Variants in DCC observed in about 807,000 individuals in gnomAD.
DCC encodes the protein netrin receptor DCC.
In DCC, 58 loss-of-function variants were observed where a neutral mutation model predicts 172.5. The ratio of observed to expected loss-of-function variants is 0.34; its 90% CI spans 0.27 to 0.42. The LOEUF (loss-of-function observed/expected upper bound fraction) is 0.42. DCC is among the 10% of genes least tolerant of loss of function. DCC has a pLI of 1.00. For synonymous variants in DCC, 709 were observed against 644.5 expected (o/e 1.10, Z -1.52); for missense variants, 1,740 against 1,791.0 (o/e 0.97, Z 0.51).
At chr18:53,294,133 A>C (rs561621862) in intron 12 of DCC, among the ~76,000 whole-genome samples, 1 of 152,352 alleles carries the variant, frequency 6.6e-6, no homozygotes, top group East Asian at 1.9e-4. Flanking sequence ...TCCCAAAATC[A>C]ATTTAAATTT....
chr18:52,781,666 A>T (rs2037547136), intron 2 of DCC, among the ~76,000 whole-genome samples: 3 of 152,116 alleles, frequency 2.0e-5, no homozygotes, highest in Admixed American at 2.0e-4. Flanking sequence ...TCAAAACAGC[A>T]TGGGAAATTC....
intron 25 of DCC, 139 bp downstream of exon 25, chr18:53,468,149 C>T (rs534121522): frequency 3.0e-5 from 20 of 670,164 alleles, no homozygotes; most frequent in South Asian, 1.4e-4. Context: ...TGACTAAAAC[C>T]GTATCATTAA....
At chr18:53,110,104 T>C (rs2043308691) in intron 7 of DCC, among the ~76,000 whole-genome samples, 1 of 151,694 alleles carries the variant, frequency 6.6e-6, no homozygotes, top group Non-Finnish European at 1.5e-5. Flanking sequence ...GTCTAACTCA[T>C]ACTTATGCAG....
intron 5 of DCC, among the ~76,000 whole-genome samples, chr18:53,026,736 A>T (rs1273029616): frequency 3.0e-4 from 45 of 150,620 alleles, no homozygotes. Flanking sequence ...TTTTACTTTT[A>T]TTTTTTTTTA....
At chr18:52,762,732 G>A (rs1302072955) in intron 2 of DCC, among the ~76,000 whole-genome samples, 1 of 151,850 alleles carries the variant, frequency 6.6e-6, no homozygotes, top group African/African-American at 2.4e-5. Flanking sequence ...GCTGAAGTGG[G>A]AGGTTGCTTG....
In DCC at chr18:53,534,791, A is replaced by G. The variant is rs937482143; in HGVS notation, c.*4138A>G. The G allele has an allele frequency of 2.6e-5, 4 of 152,232 alleles. No individual in the cohort carries two copies. Among genetic ancestry groups the G allele is most frequent in the African/African-American group, 9.6e-5 (4 of 41,458 alleles). 9.4% of individuals were successfully genotyped at this position (152,232 alleles called of 1,614,324 possible). Reference sequence around the variant, plus strand: ...GGTCAGTGAGGTTATGTAAAAGACAAAATACCACACCCATATCAGCAAATG... The same window carrying G: ...GGTCAGTGAGGTTATGTAAAAGACAGAATACCACACCCATATCAGCAAATG... On this transcript the variant is annotated 3_prime_UTR_variant, in exon 29 of 29. Coordinates refer to ENST00000442544, the MANE Select transcript of DCC (RefSeq NM_005215.4).
intron 2 of DCC, among the ~76,000 whole-genome samples, chr18:52,825,819 G>A (rs41331848): frequency 0.26 from 40,252 of 152,006 alleles, 5,464 homozygotes; most frequent in South Asian, 0.3. Flanking sequence ...TAAAAGTTGC[G>A]CTGTGCTCAC....
At chr18:53,389,110 T>C (rs1908377140) in intron 16 of DCC, among the ~76,000 whole-genome samples, 1 of 152,168 alleles carries the variant, frequency 6.6e-6, no homozygotes, top group African/African-American at 2.4e-5. Context: ...GTTAGTGTAA[T>C]GACTCAACAT....
At chr18:52,768,616 T>G (rs748263019) in intron 2 of DCC, among the ~76,000 whole-genome samples, 7 of 152,218 alleles carry the variant, frequency 4.6e-5, no homozygotes, top group Non-Finnish European at 1.5e-5. Flanking sequence ...ATGTTGTGTC[T>G]GGCATAAGAC....
intron 1 of DCC, among the ~76,000 whole-genome samples, chr18:52,487,707 A>T (rs1451509080): frequency 2.8e-5 from 4 of 144,904 alleles, no homozygotes; most frequent in Non-Finnish European, 6.0e-5. Flanking sequence ...GCTACTGGGG[A>T]GGCTGAGGCA....
At chr18:53,412,124 T>A (rs2145058208) in intron 20 of DCC, among the ~76,000 whole-genome samples, 1 of 152,218 alleles carries the variant, frequency 6.6e-6, no homozygotes, top group Admixed American at 6.5e-5. Flanking sequence ...TTTCATTTGG[T>A]ACTGTTTACC....
chr18:53,417,402 TTC>T (rs757436113), intron 21 of DCC, among the ~76,000 whole-genome samples: 1 of 152,164 alleles, frequency 6.6e-6, no homozygotes, highest in African/African-American at 2.4e-5. Context: ...TCCTACTTGC[TTC>T]CACTGAAAAT....
intron 5 of DCC, among the ~76,000 whole-genome samples, chr18:52,943,299 C>T (rs1172063047): frequency 6.6e-6 from 1 of 152,218 alleles, no homozygotes; most frequent in Admixed American, 6.5e-5. Context: ...ACTTTCATGC[C>T]AGGTACATTT....
At chr18:53,307,991 G>A (rs1339069239) in intron 13 of DCC, among the ~76,000 whole-genome samples, 1 of 143,706 alleles carries the variant, frequency 7.0e-6, no homozygotes, top group Non-Finnish European at 1.5e-5. Flanking sequence ...GTGGATGTAT[G>A]TCTGTACATA....
At chr18:52,376,861 A>C (rs1239033201) in intron 1 of DCC, among the ~76,000 whole-genome samples, 2 of 152,208 alleles carry the variant, frequency 1.3e-5, no homozygotes, top group Admixed American at 6.5e-5. Flanking sequence ...AATGTGTAAA[A>C]GTTGAGGAAG....
At chr18:53,393,028 G>A (rs1908668215) in intron 17 of DCC, among the ~76,000 whole-genome samples, 1 of 152,124 alleles carries the variant, frequency 6.6e-6, no homozygotes, top group Non-Finnish European at 1.5e-5. Flanking sequence ...CCGCTTGATT[G>A]GGGTAGCTCT....
In DCC at chr18:52,920,078, A is replaced by G. The variant is rs546337076; in HGVS notation, c.698-3629A>G. 2.0e-4 allele frequency among the ~76,000 whole-genome samples: 30 copies of G among 151,718 alleles called. 1 individual carries two copies. The highest frequency in any genetic ancestry group is 3.5e-4 in the Non-Finnish European group (24 of 67,914). Reference sequence around the variant, plus strand: ...TTTCACAAAGATTAACTCAAAATGGACCGTAAACCTAAATTCAAACACAAA... The same window carrying G: ...TTTCACAAAGATTAACTCAAAATGGGCCGTAAACCTAAATTCAAACACAAA... On this transcript the variant is annotated intron_variant, in intron 3 of 28. Coordinates refer to ENST00000442544, the MANE Select transcript of DCC (RefSeq NM_005215.4).
At chr18:52,593,106 A>G (rs1598939665) in intron 1 of DCC, among the ~76,000 whole-genome samples, 1 of 152,152 alleles carries the variant, frequency 6.6e-6, no homozygotes, top group Non-Finnish European at 1.5e-5. Flanking sequence ...GTCTAAGACT[A>G]AGTTGTATGT....
chr18:52,536,165 G>A (rs572049707), intron 1 of DCC, among the ~76,000 whole-genome samples: 197 of 152,280 alleles, frequency 1.3e-3, no homozygotes, highest in Non-Finnish European at 2.0e-3. Flanking sequence ...ACAGTGATAT[G>A]TGGGGGGAAG....
Sources: allele counts gnomAD v4.1 joint callset (sites outside exome capture counted in the v4.1 genomes callset), GRCh38; gene constraint gnomAD v4.1.1; transcripts MANE v1.5; gene names NCBI Gene and HGNC (gene_info 2026-07-23, HGNC 2026-07-21).